The following MYO7B variants were observed in gnomAD, a reference collection of about 807,000 sequenced individuals.
MYO7B encodes myosin VIIB, also known as unconventional myosin-VIIb.
A neutral mutation model predicts 259.7 loss-of-function variants in MYO7B; 212 were observed. The ratio of observed to expected loss-of-function variants is 0.82; its 90% confidence interval spans 0.73 to 0.91. The LOEUF is 0.91. Among genes scored for constraint, MYO7B ranks in the 40% least tolerant of loss-of-function variants. The pLI, the probability that MYO7B is intolerant of heterozygous loss-of-function variation, is 0.00. For missense variants in MYO7B, 2,732 were observed against 2,813.5 expected (o/e 0.97, Z 0.66); for synonymous variants, 1,197 against 1,166.4 (o/e 1.03, Z -0.54).
chr2:127,557,357 C>A (rs1363200710), intron 1 of MYO7B, among the ~76,000 whole-genome samples: 1 of 152,140 alleles, frequency 6.6e-6, no homozygotes, highest in East Asian at 1.9e-4. Flanking sequence ...TCTGGTGCCT[C>A]CTTGATTAGC....
At position 127,614,651 on chromosome 2, in the gene MYO7B, G is replaced by A. The variant is rs996298549; in HGVS notation, c.3398+2048G>A. ...GCAGGCATCAGATGGGGAGTGACAT[G>A]GGTCTCTTCTCTGGCAGCCCCCAGT... is the stretch of plus-strand genomic sequence containing the variant. On this transcript the variant is annotated intron_variant, in intron 26 of 47. Transcript: ENST00000409816. The surrounding 1 kb of genome is among the most constrained non-coding windows in gnomAD (Gnocchi z 4.6). 6.6e-6 allele frequency among the ~76,000 whole-genome samples: 1 copy of A among 152,128 alleles called. No homozygotes were observed. Among genetic ancestry groups the A allele is most frequent in the South Asian group, 2.1e-4 (1 of 4,820 alleles).
rs777206198 is a variant in MYO7B at position 127,623,387 on chromosome 2, G to A, written c.3819+12G>A. 7.7e-6 allele frequency: 12 copies of A among 1,556,902 alleles called. No individual in the cohort carries two copies. In the South Asian group the frequency reaches 1.1e-4, roughly 14 times the overall value. On this transcript the variant is annotated intron_variant, in intron 29 of 47. Coordinates refer to ENST00000409816, the MANE Select transcript of MYO7B (RefSeq NM_001393586.1). ...CCGTGTACGACAAGGTACCAGCCAG[G>A]CACCCTGCCCGTCAGCCGCCTCCCT...
At chr2:127,565,718 A>G (rs1158130674) in intron 4 of MYO7B, among the ~76,000 whole-genome samples, 1 of 152,220 alleles carries the variant, frequency 6.6e-6, no homozygotes, top group Non-Finnish European at 1.5e-5. Context: ...CTAGACAGAA[A>G]GCCCCTGGCC....
intron 28 of MYO7B, among the ~76,000 whole-genome samples, chr2:127,622,523 C>T (rs911835164): frequency 7.2e-5 from 11 of 152,182 alleles, no homozygotes; most frequent in African/African-American, 1.2e-4. Context: ...TGTGAATTCT[C>T]GCTGTTTTCT....
chr2:127,567,032 C>T (rs1416917957), intron 5 of MYO7B, among the ~76,000 whole-genome samples: 1 of 152,220 alleles, frequency 6.6e-6, no homozygotes, highest in Non-Finnish European at 1.5e-5. Context: ...TTCATCGTGT[C>T]ACCAGGGACT....
At chr2:127,630,126 A>C (rs1681388839) in intron 35 of MYO7B, among the ~76,000 whole-genome samples, 1 of 152,136 alleles carries the variant, frequency 6.6e-6, no homozygotes, top group Non-Finnish European at 1.5e-5. Context: ...AGGGGGACTC[A>C]AGTCTCTCCC....
chr2:127,608,999 G>A, intron 22 of MYO7B, 121 bp downstream of exon 22: 4 of 1,296,372 alleles, frequency 3.1e-6, no homozygotes, highest in Non-Finnish European at 3.2e-6. Context: ...AGTGTGTGCT[G>A]CAGCCCTGCT....
At position 127,634,194 on chromosome 2, in the gene MYO7B, A is replaced by C; in HGVS notation, c.5530A>C (p.Asn1844His). The C allele has an allele frequency of 1.2e-6, 2 of 1,606,308 alleles. No homozygotes were observed. The highest frequency in any genetic ancestry group is 1.1e-5 in the South Asian group (1 of 89,550). The change falls in exon 41 of 48, where the codon AAC (asparagine) becomes CAC (histidine). Residue 1844 changes from asparagine (N) to histidine (H), a missense_variant. This residue lies in a region of MYO7B where 821 missense variants were observed against 769.3 expected (regional missense o/e 1.07). Transcript: ENST00000409816. ...TGTCCAGATGCTGGAGGTGGTTGCC[A>C]ACACACGGGTGCGGGATGTGTGTGA... Reference protein sequence around the residue: ...DTSEMLEVVANTRVRDVCDSI... With the variant: ...DTSEMLEVVAHTRVRDVCDSI...
In MYO7B at chr2:127,634,195, A is replaced by G; in HGVS notation, c.5531A>G (p.Asn1844Ser). The change falls in exon 41 of 48, where the codon AAC becomes AGC. Residue 1844 changes from asparagine to serine, a missense_variant. By Grantham distance (46) the Asn-to-Ser change is conservative. Around this residue, in one of 3 missense-constraint regions of MYO7B, gnomAD observed 821 missense variants for 769.3 expected, o/e 1.07. Coordinates refer to ENST00000409816, the MANE Select transcript of MYO7B (RefSeq NM_001393586.1). ...GTCCAGATGCTGGAGGTGGTTGCCA[A>G]CACACGGGTGCGGGATGTGTGTGAC... ...DTSEMLEVVA[N>S]TRVRDVCDSI... is the part of the protein sequence containing the mutation. 1 of 1,606,602 alleles carries G rather than the reference A, an allele frequency of 6.2e-7. No homozygotes were observed. Among genetic ancestry groups the G allele is most frequent in the Non-Finnish European group, 8.5e-7 (1 of 1,177,168 alleles).
chr2:127,621,739 A>G (rs916689693), intron 27 of MYO7B, among the ~76,000 whole-genome samples: 3 of 152,226 alleles, frequency 2.0e-5, no homozygotes, highest in African/African-American at 7.2e-5. Flanking sequence ...ATCCACCTTT[A>G]GGATAGGCCT....
At chr2:127,591,218 A>C (rs1015280728) in intron 16 of MYO7B, among the ~76,000 whole-genome samples, 7 of 152,184 alleles carry the variant, frequency 4.6e-5, no homozygotes, top group African/African-American at 1.4e-4. Flanking sequence ...TGCCTTATGA[A>C]ATCTAGGTTG....
intron 5 of MYO7B, among the ~76,000 whole-genome samples, 169 bp from the exon 6 acceptor site, chr2:127,569,620 G>A (rs1323709544): frequency 6.6e-6 from 1 of 152,210 alleles, no homozygotes; most frequent in East Asian, 1.9e-4. Context: ...CAGGCAGCCT[G>A]AGACCCACAG....
chr2:127,634,401 G>A, intron 41 of MYO7B, 112 bp downstream of exon 41: 1 of 959,260 alleles, frequency 1.0e-6, no homozygotes, highest in Non-Finnish European at 1.6e-6. Context: ...GGACCAGGCT[G>A]CACGGCCAGG....
intron 6 of MYO7B, among the ~76,000 whole-genome samples, chr2:127,573,300 A>G (rs1678723634): frequency 6.6e-6 from 1 of 152,346 alleles, no homozygotes; most frequent in African/African-American, 2.4e-5. Context: ...ATTTTGTTCT[A>G]ACTTTGTGTG....
At chr2:127,571,410 A>G (rs80071839) in intron 6 of MYO7B, among the ~76,000 whole-genome samples, 1,907 of 56,858 alleles carry the variant, frequency 0.034, 20 homozygotes, top group South Asian at 0.062. Flanking sequence ...ATTCTTTAAT[A>G]TTCTTTAATT....
rs776658075 is a variant in MYO7B at position 127,605,840 on chromosome 2, C to T, written c.2340-4C>T. The T allele has an allele frequency of 8.7e-6, 14 of 1,613,062 alleles. No homozygotes were observed. The African/African-American group carries it at 1.7e-4, about 20-fold the overall frequency. On this transcript the variant is annotated splice_region_variant and splice_polypyrimidine_tract_variant and intron_variant, in intron 19 of 47. Coordinates refer to ENST00000409816, the MANE Select transcript of MYO7B (RefSeq NM_001393586.1). ...CATGTGTGTGGCTTGCATTGCCCTT[C>T]TAGGAAGGAGTTCCTGAGGCAGAGG... is the stretch of plus-strand genomic sequence containing the variant.
At chr2:127,554,949 A>ATTTT (rs113240086) in intron 1 of MYO7B, among the ~76,000 whole-genome samples, 1 of 136,054 alleles carries the variant, frequency 7.4e-6, no homozygotes, top group African/African-American at 2.7e-5. Flanking sequence ...TTTCTAATTG[A>ATTTT]TTTTTTTTTT....
intron 21 of MYO7B, among the ~76,000 whole-genome samples, chr2:127,608,097 A>G (rs1038480634): frequency 6.6e-6 from 1 of 152,170 alleles, no homozygotes; most frequent in African/African-American, 2.4e-5. Context: ...TCGAGACTCA[A>G]CCTTCACACT....
intron 19 of MYO7B, among the ~76,000 whole-genome samples, chr2:127,603,824 G>A (rs1417627717): frequency 6.6e-6 from 1 of 152,128 alleles, no homozygotes; most frequent in Admixed American, 6.5e-5. Flanking sequence ...CCAATATAAG[G>A]CTGTTTTGTC....
Sources: gnomAD v4.1 joint callset for allele counts (sites outside exome capture counted in the v4.1 genomes callset) on GRCh38, gnomAD v4.1.1 for gene constraint, gnomAD v4.1.1 regional missense constraint, Gnocchi (gnomAD v3.1) non-coding constraint, MANE v1.5 for transcripts, NCBI Gene and HGNC (gene_info 2026-07-23, HGNC 2026-07-21) for gene names.